Variants in CLSTN2 observed in about 807,000 individuals in gnomAD.
CLSTN2 encodes the protein calsyntenin 2.
A neutral mutation model predicts 101.2 loss-of-function variants in CLSTN2; 48 were observed. That is an observed-to-expected ratio of 0.47 (90% CI 0.38 to 0.60). The LOEUF (loss-of-function observed/expected upper bound fraction) is 0.60. CLSTN2 is among the 20% of genes least tolerant of loss of function. The pLI, the probability that CLSTN2 is intolerant of heterozygous loss-of-function variation, is 0.00. For synonymous variants in CLSTN2, 481 were observed against 463.6 expected, an observed-to-expected ratio of 1.04 and a Z score of -0.48; for missense variants, 1,160 against 1,238.2, an observed-to-expected ratio of 0.94 and a Z score of 0.95.
chr3:140,265,213 C>A (rs1355149779), intron 2 of CLSTN2, among the ~76,000 whole-genome samples: 1 of 150,786 alleles, frequency 6.6e-6, no homozygotes, highest in Non-Finnish European at 1.5e-5. Context: ...CTCAACCATG[C>A]ATCTACACTG....
intron 1 of CLSTN2, among the ~76,000 whole-genome samples, chr3:139,978,648 TTGTGTGTGTGTGTGTGTGTGTGTG>T (rs552137591): frequency 0.12 from 16,439 of 135,576 alleles, 1,276 homozygotes; most frequent in East Asian, 0.43. Flanking sequence ...GGATGGGGGA[TTGTGTGTGTGTGTGTGTGTGTGTG>T]TGTGTGTGTG....
intron 2 of CLSTN2, among the ~76,000 whole-genome samples, chr3:140,309,131 A>T (rs545917663): frequency 5.9e-5 from 9 of 152,366 alleles, no homozygotes; most frequent in African/African-American, 2.2e-4. Flanking sequence ...TCAAACATTA[A>T]GCACATAACT....
At chr3:140,545,671 T>C (rs1040371781) in intron 9 of CLSTN2, among the ~76,000 whole-genome samples, 1 of 152,160 alleles carries the variant, frequency 6.6e-6, no homozygotes, top group African/African-American at 2.4e-5. Context: ...GAGATCCGAT[T>C]TGGAAAACCA....
chr3:140,542,569 T>A (rs957200480), intron 9 of CLSTN2, among the ~76,000 whole-genome samples: 40 of 152,202 alleles, frequency 2.6e-4, no homozygotes, highest in Admixed American at 3.9e-4. Context: ...TATTTTTTTT[T>A]AAATCCTGCA....
chr3:140,558,084 C>T (rs1045893525), intron 11 of CLSTN2, among the ~76,000 whole-genome samples: 4 of 152,178 alleles, frequency 2.6e-5, no homozygotes, highest in Non-Finnish European at 5.9e-5. Context: ...TCTCAGACCT[C>T]GCTCTTTTGG....
At chr3:140,473,510 G>A (rs1486875522) in intron 8 of CLSTN2, among the ~76,000 whole-genome samples, 1 of 152,124 alleles carries the variant, frequency 6.6e-6, no homozygotes, top group African/African-American at 2.4e-5. Context: ...AGGCAAGAGG[G>A]TAAGAGCCAG....
At chr3:140,031,007 C>T (rs1195533456) in intron 1 of CLSTN2, among the ~76,000 whole-genome samples, 1 of 152,248 alleles carries the variant, frequency 6.6e-6, no homozygotes, top group African/African-American at 2.4e-5. Context: ...TGCTTTGACA[C>T]TGCCTCTTCT....
At chr3:140,089,935 TGA>T (rs2008747131) in intron 1 of CLSTN2, among the ~76,000 whole-genome samples, 1 of 145,030 alleles carries the variant, frequency 6.9e-6, no homozygotes, top group Admixed American at 6.9e-5. Context: ...AGAAAAAACC[TGA>T]GAGGGGCTCC....
At chr3:140,427,119 T>G (rs537562864) in intron 5 of CLSTN2, among the ~76,000 whole-genome samples, 4 of 142,954 alleles carry the variant, frequency 2.8e-5, no homozygotes, top group South Asian at 4.2e-4. Context: ...GAGGTTGCAG[T>G]TAGCCAGTAG....
intron 2 of CLSTN2, among the ~76,000 whole-genome samples, chr3:140,374,475 T>C (rs1042140894): frequency 1.3e-5 from 2 of 152,178 alleles, no homozygotes; most frequent in Non-Finnish European, 2.9e-5. Flanking sequence ...GGTATGTTTA[T>C]TGAAAACACT....
At chr3:140,080,933 T>C (rs1460875876) in intron 1 of CLSTN2, among the ~76,000 whole-genome samples, 1 of 152,184 alleles carries the variant, frequency 6.6e-6, no homozygotes, top group Non-Finnish European at 1.5e-5. Flanking sequence ...GACACTGCAC[T>C]GTGAGAAGGC....
chr3:139,956,211 C>T (rs1935396321), intron 1 of CLSTN2, among the ~76,000 whole-genome samples: 1 of 152,230 alleles, frequency 6.6e-6, no homozygotes. Context: ...GGTCATGTTG[C>T]TTCAGTATTC....
At chr3:139,977,265 C>T (rs1206318086) in intron 1 of CLSTN2, among the ~76,000 whole-genome samples, 2 of 152,024 alleles carry the variant, frequency 1.3e-5, no homozygotes, top group Non-Finnish European at 2.9e-5. Flanking sequence ...GCTGCAGGTT[C>T]GTACAGGGAT....
chr3:140,060,480 A>T (rs998871032), intron 1 of CLSTN2, among the ~76,000 whole-genome samples: 7 of 152,164 alleles, frequency 4.6e-5, no homozygotes, highest in African/African-American at 1.7e-4. Flanking sequence ...TTCCCAGGTA[A>T]GTGAAATGTG....
intron 2 of CLSTN2, among the ~76,000 whole-genome samples, chr3:140,229,460 A>G (rs1576475364): frequency 6.6e-6 from 1 of 151,960 alleles, no homozygotes; most frequent in South Asian, 2.1e-4. Context: ...TTCTGGGGAC[A>G]CTACATGACC....
chr3:140,176,258 T>C (rs781424661), intron 2 of CLSTN2, among the ~76,000 whole-genome samples, 185 bp downstream of exon 2: 10 of 152,200 alleles, frequency 6.6e-5, no homozygotes, highest in Admixed American at 3.9e-4. Context: ...CTTATGTTTT[T>C]GTTTGTTTGT....
intron 1 of CLSTN2, among the ~76,000 whole-genome samples, chr3:140,151,275 T>C (rs1043041141): frequency 2.0e-5 from 3 of 152,134 alleles, no homozygotes; most frequent in African/African-American, 7.2e-5. Flanking sequence ...GGGGATACCT[T>C]TGACCTATGG....
At chr3:140,400,769 C>G (rs1178899013) in intron 2 of CLSTN2, among the ~76,000 whole-genome samples, 1 of 152,142 alleles carries the variant, frequency 6.6e-6, no homozygotes, top group Admixed American at 6.5e-5. Context: ...GCACAGGACC[C>G]TGGGTGGCTC....
At chr3:140,293,799 G>C (rs2086976787) in intron 2 of CLSTN2, among the ~76,000 whole-genome samples, 2 of 152,166 alleles carry the variant, frequency 1.3e-5, no homozygotes, top group South Asian at 2.1e-4. Flanking sequence ...CTGATGTCTT[G>C]AGCCAGTCCC....
Sources: allele counts gnomAD v4.1 joint callset (sites outside exome capture counted in the v4.1 genomes callset), GRCh38; gene constraint gnomAD v4.1.1; transcripts MANE v1.5; gene names NCBI Gene and HGNC (gene_info 2026-07-23, HGNC 2026-07-21).